The following MYO3B variants were observed in gnomAD, a reference collection of about 807,000 sequenced individuals.
The protein encoded by MYO3B is myosin-IIIb.
In MYO3B, 156 loss-of-function variants were observed where a neutral mutation model predicts 174.6. The observed-to-expected ratio is 0.89, with a 90% confidence interval of 0.78 to 1.02. MYO3B has a LOEUF of 1.02. Ranked by LOEUF, MYO3B falls within the 50% of genes least tolerant of loss-of-function variation. MYO3B has a pLI of 0.00. For missense variants in MYO3B, 1,632 were observed against 1,639.4 expected, an observed-to-expected ratio of 1.00 and a Z score of 0.08; for synonymous variants, 563 against 569.1, an observed-to-expected ratio of 0.99 and a Z score of 0.15.
chr2:170,228,068 C>T (rs971648333), intron 6 of MYO3B, among the ~76,000 whole-genome samples: 4 of 152,240 alleles, frequency 2.6e-5, no homozygotes, highest in African/African-American at 7.2e-5. Flanking sequence ...AAGTGAGAGG[C>T]GGCAGGAAAT....
At chr2:170,271,969 T>C (rs568700787) in intron 7 of MYO3B, among the ~76,000 whole-genome samples, 153 of 152,252 alleles carry the variant, frequency 1.0e-3, no homozygotes, top group South Asian at 2.1e-3. Context: ...TCTTTGTATC[T>C]AGTAAACTTG....
chr2:170,401,816 T>TTTTTG, intron 18 of MYO3B, 125 bp downstream of exon 18: 1 of 943,504 alleles, frequency 1.1e-6, no homozygotes, highest in East Asian at 2.7e-5. Flanking sequence ...TTTTTTTTTT[T>TTTTTG]TGTGGAGTCA....
At chr2:170,404,431 A>G in intron 20 of MYO3B, 31 bp downstream of exon 20, 1 of 1,569,066 alleles carries the variant, frequency 6.4e-7, no homozygotes, top group Non-Finnish European at 8.6e-7. Context: ...AGGCATATAC[A>G]TTTAGAACAA....
At chr2:170,207,542 C>T (rs1357304226) in intron 3 of MYO3B, among the ~76,000 whole-genome samples, 2 of 151,742 alleles carry the variant, frequency 1.3e-5, no homozygotes, top group Admixed American at 6.6e-5. Flanking sequence ...CCCCTGAGCG[C>T]AATCCTAAGC....
intron 6 of MYO3B, among the ~76,000 whole-genome samples, chr2:170,223,706 G>A (rs998110741): frequency 6.6e-6 from 1 of 152,204 alleles, no homozygotes; most frequent in African/African-American, 2.4e-5. Context: ...ATGGCAGGGG[G>A]TTAGGGGTAG....
chr2:170,495,950 C>G (rs1444247504), intron 25 of MYO3B, among the ~76,000 whole-genome samples: 3 of 152,206 alleles, frequency 2.0e-5, no homozygotes, highest in Non-Finnish European at 2.9e-5. Context: ...CCTGGAGAAC[C>G]TGGGGCTGAA....
chr2:170,181,744 T>C (rs926765452), intron 1 of MYO3B, among the ~76,000 whole-genome samples: 38 of 152,292 alleles, frequency 2.5e-4, no homozygotes, highest in African/African-American at 8.7e-4. Context: ...AGTGTGCTTT[T>C]TTTGATTATA....
intron 25 of MYO3B, among the ~76,000 whole-genome samples, chr2:170,493,885 GCCACCAACAGC>G (rs1686665892): frequency 1.3e-5 from 2 of 152,112 alleles, no homozygotes; most frequent in Admixed American, 1.3e-4. Context: ...ATAGAATCTT[GCCACCAACAGC>G]CATGTGAGTG....
intron 32 of MYO3B, among the ~76,000 whole-genome samples, chr2:170,583,148 G>A (rs927162997): frequency 6.8e-6 from 1 of 147,360 alleles, no homozygotes; most frequent in Admixed American, 7.1e-5. Context: ...ATTTATGTGT[G>A]TAACTACCCC....
At chr2:170,181,940 G>A (rs960828378) in intron 1 of MYO3B, among the ~76,000 whole-genome samples, 13 of 152,066 alleles carry the variant, frequency 8.5e-5, no homozygotes, top group African/African-American at 3.1e-4. Context: ...GAGACAAATG[G>A]TATCTCATTA....
intron 32 of MYO3B, among the ~76,000 whole-genome samples, chr2:170,554,513 G>T (rs190936627): frequency 6.6e-6 from 1 of 152,314 alleles, no homozygotes; most frequent in East Asian, 1.9e-4. Flanking sequence ...AGCCGCAGAG[G>T]TCACATGCCA....
chr2:170,451,999 C>T (rs1452636811), intron 23 of MYO3B, among the ~76,000 whole-genome samples: 1 of 152,142 alleles, frequency 6.6e-6, no homozygotes, highest in Non-Finnish European at 1.5e-5. Context: ...GTAATCAGCC[C>T]ATCTACATGG....
chr2:170,321,307 G>C (rs2093824521), intron 7 of MYO3B, among the ~76,000 whole-genome samples: 1 of 152,112 alleles, frequency 6.6e-6, no homozygotes, highest in Admixed American at 6.5e-5. Context: ...TAAAATAGAA[G>C]TAGAAATTAC....
At chr2:170,445,686 G>C (rs1481505617) in intron 23 of MYO3B, among the ~76,000 whole-genome samples, 1 of 152,000 alleles carries the variant, frequency 6.6e-6, no homozygotes, top group Non-Finnish European at 1.5e-5. Context: ...CCAGGCTGGA[G>C]TGTAGTGGCA....
chr2:170,478,950 GTTA>G (rs1234846103), intron 25 of MYO3B, among the ~76,000 whole-genome samples: 1 of 149,400 alleles, frequency 6.7e-6, no homozygotes, highest in Admixed American at 6.7e-5. Context: ...TATAATAGGT[GTTA>G]TTATATATGT....
At chr2:170,615,733 A>AG (rs775747736) in intron 32 of MYO3B, among the ~76,000 whole-genome samples, 1 of 152,190 alleles carries the variant, frequency 6.6e-6, no homozygotes, top group Non-Finnish European at 1.5e-5. Flanking sequence ...TGGCAGGTTG[A>AG]GAAATAATAG....
intron 3 of MYO3B, among the ~76,000 whole-genome samples, chr2:170,204,080 T>C (rs1184440965): frequency 6.6e-6 from 1 of 152,192 alleles, no homozygotes; most frequent in Non-Finnish European, 1.5e-5. Context: ...TCCACTCTGA[T>C]AGAAACTCTA....
intron 22 of MYO3B, 42 bp downstream of exon 22, chr2:170,407,886 G>T (rs1162755403): frequency 1.9e-6 from 3 of 1,609,650 alleles, no homozygotes; most frequent in Middle Eastern, 1.7e-4. Context: ...TAAAGCTTTT[G>T]CAAGACCAGG....
chr2:170,196,743 C>T (rs973585007), intron 1 of MYO3B, among the ~76,000 whole-genome samples: 3 of 152,182 alleles, frequency 2.0e-5, no homozygotes, highest in African/African-American at 4.8e-5. Context: ...AGCCTTCAAG[C>T]TGCCTTCAGT....
Sources: allele counts gnomAD v4.1 joint callset (sites outside exome capture counted in the v4.1 genomes callset), GRCh38; gene constraint gnomAD v4.1.1; transcripts MANE v1.5; gene names NCBI Gene and HGNC (gene_info 2026-07-23, HGNC 2026-07-21).